The following HLA-DQB1 variants were observed in gnomAD, a reference collection of about 807,000 sequenced individuals.
The protein encoded by HLA-DQB1 is HLA class II histocompatibility antigen, DQ beta 1 chain.
Under a neutral mutation model 26.4 loss-of-function variants are expected in HLA-DQB1, and 13 were observed. The observed-to-expected ratio is 0.49, with a 90% CI of 0.32 to 0.78. The LOEUF is 0.78. Ranked by LOEUF, HLA-DQB1 falls within the 30% of genes least tolerant of loss-of-function variation. The pLI is 0.03. For synonymous variants in HLA-DQB1, 60 were observed against 129.1 expected, an observed-to-expected ratio of 0.46 and a Z score of 3.63; for missense variants, 158 against 326.2, an observed-to-expected ratio of 0.48 and a Z score of 3.97.
intron 1 of HLA-DQB1, among the ~76,000 whole-genome samples, chr6:32,665,663 C>G (rs281861526): frequency 7.0e-6 from 1 of 142,672 alleles, no homozygotes. Flanking sequence ...AGAGCACAAG[C>G]TTTTGAATTT....
intron 1 of HLA-DQB1, 67 bp downstream of exon 1, chr6:32,666,432 A>C (rs281860906): frequency 4.0e-5 from 16 of 399,742 alleles, no homozygotes; most frequent in Admixed American, 1.2e-4. Flanking sequence ...ACCATCCCCC[A>C]TACCCCAGCC....
chr6:32,660,846 G>C (rs281864382), intron 4 of HLA-DQB1: 1 of 1,467,584 alleles, frequency 6.8e-7, no homozygotes, highest in Non-Finnish European at 9.2e-7. Context: ...CTGGATCATG[G>C]CTGAAATATT....
At chr6:32,661,977 G>T in exon 3 of HLA-DQB1, 1 of 1,548,136 alleles carries the variant, frequency 6.5e-7, no homozygotes, top group African/African-American at 1.4e-5. Flanking sequence ...GCCACTCCAC[G>T]GTGATGGGGC....
At chr6:32,660,529 G>A (rs9273499) in intron 4 of HLA-DQB1, 7 of 319,276 alleles carry the variant, frequency 2.2e-5, no homozygotes, top group African/African-American at 1.4e-4. Context: ...ATCTCTTCCC[G>A]ACCACTAGCA....
exon 2 of HLA-DQB1, chr6:32,665,031 A>G: frequency 7.1e-7 from 1 of 1,405,758 alleles, no homozygotes; most frequent in Non-Finnish European, 9.9e-7. Flanking sequence ...CCCGTTGGTG[A>G]AGTAGCACAT....
In HLA-DQB1 at chr6:32,665,003, A is replaced by G. The variant is rs1783829672; in HGVS notation, c.174T>C (p.Leu58=). The G allele has an allele frequency of 2.9e-6, 4 of 1,368,564 alleles. 1 individual carries two copies. Among genetic ancestry groups the G allele is most frequent in the Non-Finnish European group, 4.1e-6 (4 of 975,702 alleles). The allele number at this position is 1,368,564 out of a possible 1,614,324, so 84.8% of individuals were successfully genotyped here. A position where few individuals can be genotyped will look rare whatever the true frequency, so the allele number is the denominator to read the frequency against. The change falls in exon 2 of 5, where the codon CTT becomes CTC. Residue 58 remains leucine (L), a synonymous_variant. Coordinates refer to ENST00000434651, the Ensembl canonical transcript of HLA-DQB1. ...CTCGGTTATAGATGTATCTGGTCAC[A>G]AGACGCACGCGCTCCGTCCCGTTGG... is the stretch of plus-strand genomic sequence containing the variant.
chr6:32,665,721 GT>G (rs67615804), intron 1 of HLA-DQB1, among the ~76,000 whole-genome samples: 22,035 of 107,814 alleles, frequency 0.2, 3,170 homozygotes, highest in East Asian at 0.37. Context: ...GTTTGGGCAG[GT>G]TATGTAACAG....
At chr6:32,663,422 C>CATGGAAA (rs1783410969) in intron 2 of HLA-DQB1, 1 of 39,144 alleles carries the variant, frequency 2.6e-5, no homozygotes, top group African/African-American at 7.8e-5. Flanking sequence ...GCCGCATTAA[C>CATGGAAA]ACACAGAACA....
chr6:32,665,830 T>G (rs28746826), intron 1 of HLA-DQB1, among the ~76,000 whole-genome samples: 3 of 47,870 alleles, frequency 6.3e-5, no homozygotes, highest in Non-Finnish European at 8.8e-5. Context: ...AAAGTATTGT[T>G]CTGTCTGAAG....
At chr6:32,660,862 C>T (rs1212363954) in intron 4 of HLA-DQB1, 1 of 1,511,056 alleles carries the variant, frequency 6.6e-7, no homozygotes, top group Admixed American at 2.1e-5. Context: ...ATATTACCTG[C>T]TGGTGGAGGC....
chr6:32,661,660 CTGCTCTT>C, intron 3 of HLA-DQB1: 1 of 422,420 alleles, frequency 2.4e-6, no homozygotes, highest in Non-Finnish European at 4.1e-6. Flanking sequence ...AAGCAAATCT[CTGCTCTT>C]CAAGAACTCA....
At chr6:32,665,252 G>GGT (rs771997141) in intron 1 of HLA-DQB1, among the ~76,000 whole-genome samples, 185 bp from the exon 2 acceptor site, 1 of 118,848 alleles carries the variant, frequency 8.4e-6, no homozygotes, top group Admixed American at 9.1e-5. Context: ...TTCTTTGCGG[G>GGT]CTTCTGGAAT....
intron 1 of HLA-DQB1, 130 bp downstream of exon 1, chr6:32,666,369 T>C (rs281860964): frequency 2.3e-6 from 1 of 425,550 alleles, no homozygotes; most frequent in African/African-American, 2.2e-5. Flanking sequence ...TAGCTTTCTT[T>C]CCCAAGAGAG....
chr6:32,665,789 G>T (rs281861421), intron 1 of HLA-DQB1, among the ~76,000 whole-genome samples: 1 of 125,214 alleles, frequency 8.0e-6, no homozygotes, highest in South Asian at 3.2e-4. Context: ...CTACACACAG[G>T]ATGTTAGAAG....
intron 1 of HLA-DQB1, among the ~76,000 whole-genome samples, chr6:32,665,689 A>T (rs9274463): frequency 0.02 from 2,332 of 115,586 alleles, 65 homozygotes; most frequent in South Asian, 0.061. Flanking sequence ...ACTAGATTCC[A>T]ATTAAACTGT....
At chr6:32,665,180 C>T (rs9274418) in intron 1 of HLA-DQB1, 113 bp from the exon 2 acceptor site, 17,277 of 570,672 alleles carry the variant, frequency 0.03, 3,185 homozygotes, top group South Asian at 0.23. Context: ...AGTTCCCGCC[C>T]GCCCGTGCCT....
chr6:32,663,415 G>GAAAGTATCATTTTGTCT (rs9282143), intron 2 of HLA-DQB1: 1 of 126,710 alleles, frequency 7.9e-6, no homozygotes, highest in African/African-American at 2.9e-5. Flanking sequence ...TTTCAATGCC[G>GAAAGTATCATTTTGTCT]CATTAACACA....
intron 2 of HLA-DQB1, chr6:32,664,569 C>A (rs28746786): frequency 0.02 from 4,201 of 210,974 alleles, 800 homozygotes; most frequent in Admixed American, 0.053. Flanking sequence ...GACGGGGAGG[C>A]TGGGGGGGAC....
intron 1 of HLA-DQB1, among the ~76,000 whole-genome samples, chr6:32,665,386 C>T (rs281861785): frequency 2.1e-5 from 3 of 143,380 alleles, no homozygotes; most frequent in Non-Finnish European, 3.1e-5. Context: ...AGGGCGTTCT[C>T]GCATGAAATC....
Sources: gnomAD v4.1 joint callset for allele counts (sites outside exome capture counted in the v4.1 genomes callset) on GRCh38, gnomAD v4.1.1 for gene constraint, MANE v1.5 for transcripts, NCBI Gene and HGNC (gene_info 2026-07-23, HGNC 2026-07-21) for gene names.